The following EFHD1 variants were observed in gnomAD, a reference collection of about 807,000 sequenced individuals.
EFHD1 encodes the protein EF-hand domain-containing protein D1.
Under a neutral mutation model 17.2 loss-of-function variants are expected in EFHD1, and 10 were observed. The ratio of observed to expected loss-of-function variants is 0.58; its 90% CI spans 0.36 to 0.99. The LOEUF (loss-of-function observed/expected upper bound fraction) is 0.99, where lower values mean the gene tolerates loss of function less well. Ranked by LOEUF, EFHD1 falls within the 50% of genes least tolerant of loss-of-function variation. The probability of loss-of-function intolerance (pLI) is 0.01; values close to 1 mark genes in which losing one functional copy is unlikely to be tolerated. For synonymous variants in EFHD1, 153 were observed against 142.0 expected (o/e 1.08, Z -0.55); for missense variants, 310 against 327.5 (o/e 0.95, Z 0.41).
intron 1 of EFHD1, among the ~76,000 whole-genome samples, chr2:232,613,275 T>C (rs1693841891): frequency 2.0e-5 from 3 of 151,314 alleles, no homozygotes; most frequent in African/African-American, 4.9e-5. Flanking sequence ...AATACGAAAA[T>C]GAGCTGGTCA....
In EFHD1 at chr2:232,657,782, A is replaced by G. The variant is rs569703425; in HGVS notation, c.303-5020A>G. Among the ~76,000 whole-genome samples, 5 of 147,000 alleles carry G rather than the reference A, an allele frequency of 3.4e-5. No individual in the cohort carries two copies. In the South Asian group the frequency reaches 1.1e-3, roughly 32 times the overall value. On this transcript the variant is annotated intron_variant, in intron 1 of 3. Transcript: ENST00000264059. ...AGCTGAGATCGCACCACTGCACTCCAGCCTGGGCAACAAGAATGAAACTCC... is the reference window on the plus strand; with the variant it reads ...AGCTGAGATCGCACCACTGCACTCCGGCCTGGGCAACAAGAATGAAACTCC...
intron 2 of EFHD1, among the ~76,000 whole-genome samples, chr2:232,670,193 C>T (rs1695041864): frequency 6.6e-6 from 1 of 152,136 alleles, no homozygotes; most frequent in Non-Finnish European, 1.5e-5. Flanking sequence ...CATGGTGGCT[C>T]ATGCCTGCAA....
chr2:232,640,033 G>A (rs1694399978), intron 1 of EFHD1, among the ~76,000 whole-genome samples: 1 of 152,140 alleles, frequency 6.6e-6, no homozygotes, highest in African/African-American at 2.4e-5. Context: ...TCCTGCTTCT[G>A]TGTCCCCTGA....
chr2:232,675,581 G>A (rs1695157596), intron 3 of EFHD1, among the ~76,000 whole-genome samples: 1 of 152,202 alleles, frequency 6.6e-6, no homozygotes, highest in Non-Finnish European at 1.5e-5. Flanking sequence ...GCTGTGACAT[G>A]ATTCCGATGC....
chr2:232,654,326 T>TG (rs971312507), intron 1 of EFHD1, among the ~76,000 whole-genome samples: 2 of 151,800 alleles, frequency 1.3e-5, no homozygotes, highest in African/African-American at 4.8e-5. Context: ...TTGCAGGCTT[T>TG]GGGGCCTGAA....
chr2:232,619,391 A>G (rs34384799), intron 1 of EFHD1, among the ~76,000 whole-genome samples: 7,412 of 149,654 alleles, frequency 0.05, 218 homozygotes, highest in Non-Finnish European at 0.063. Context: ...GCTCACTGCA[A>G]CCTCTGCCTC....
Position 232,633,829 on chromosome 2 carries a change from C to A in EFHD1, c.125C>A (p.Pro42His). The A allele has an allele frequency of 6.7e-7, 1 of 1,481,626 alleles. No individual in the cohort carries two copies. The highest frequency in any genetic ancestry group is 8.9e-7 in the Non-Finnish European group (1 of 1,125,248). 91.8% of individuals were successfully genotyped at this position (1,481,626 alleles called of 1,614,324 possible). A position where few individuals can be genotyped will look rare whatever the true frequency, so the allele number is the denominator to read the frequency against. ...CCGGAGCCCAAGCCCGAGCCCGAGC[C>A]TCCCGCCCGTGCGCCCACGGCCAGC... is the stretch of plus-strand genomic sequence containing the variant. ...PAPEPKPEPEPPARAPTASAD... is the reference protein window; with the variant it reads ...PAPEPKPEPEHPARAPTASAD... Residue 42 changes from proline (P) to histidine (H), a missense_variant, in exon 1 of 4, where the codon CCT becomes CAT. By Grantham distance (77) the Pro-to-His change is moderately conservative (BLOSUM62 -2). Transcript: ENST00000264059.
chr2:232,644,824 T>C (rs1178173129), intron 1 of EFHD1, among the ~76,000 whole-genome samples: 15 of 146,970 alleles, frequency 1.0e-4, no homozygotes, highest in African/African-American at 3.8e-4. Flanking sequence ...TAATTTTTAG[T>C]GGAGACGGGG....
At chr2:232,667,950 C>T (rs533139691) in intron 2 of EFHD1, among the ~76,000 whole-genome samples, 2 of 152,322 alleles carry the variant, frequency 1.3e-5, no homozygotes, top group South Asian at 2.1e-4. Context: ...TAACTAATAC[C>T]GTGGGAGTGT....
intron 2 of EFHD1, 119 bp from the exon 3 acceptor site, chr2:232,672,190 A>G: frequency 7.3e-7 from 1 of 1,369,626 alleles, no homozygotes; most frequent in Admixed American, 1.8e-5. Context: ...AATTTGCCAC[A>G]TGCATACATA....
At chr2:232,620,958 T>A (rs1218714173) in intron 1 of EFHD1, among the ~76,000 whole-genome samples, 1 of 151,342 alleles carries the variant, frequency 6.6e-6, no homozygotes, top group African/African-American at 2.4e-5. Context: ...GGTGAGGGAG[T>A]GTCGGGGTTC....
Position 232,633,904 on chromosome 2 carries a change from A to T in EFHD1, c.200A>T (p.Glu67Val). The change falls in exon 1 of 4, where the codon GAG becomes GTG. Residue 67 changes from glutamate to valine, a missense_variant. By Grantham distance (121) the Glu-to-Val change is moderately radical. Coordinates refer to ENST00000264059, the MANE Select transcript of EFHD1 (RefSeq NM_025202.4). ...CTGAGCCGGCGGCTGGACATCAACG[A>T]GGGCGCTGCGCGGCCCCGGCGCTGC... ...AQLSRRLDINEGAARPRRCRV... is the reference protein window; with the variant it reads ...AQLSRRLDINVGAARPRRCRV... 1.3e-6 allele frequency: 2 copies of T among 1,577,336 alleles called. No individual in the cohort carries two copies. The highest frequency in any genetic ancestry group is 1.7e-6 in the Non-Finnish European group (2 of 1,171,276).
intron 1 of EFHD1, among the ~76,000 whole-genome samples, chr2:232,635,667 G>T (rs1390010899): frequency 1.3e-5 from 2 of 152,068 alleles, no homozygotes; most frequent in East Asian, 3.9e-4. Flanking sequence ...AAAAATCCAA[G>T]AATTAGCCGG....
chr2:232,633,791 C>G lies in EFHD1; in HGVS notation c.87C>G (p.Leu29=). The G allele has an allele frequency of 6.9e-7, 1 of 1,456,130 alleles. No homozygotes were observed. The highest frequency in any genetic ancestry group is 1.3e-5 in the South Asian group (1 of 74,720). 90.2% of individuals were successfully genotyped at this position (1,456,130 alleles called of 1,614,324 possible). A position where few individuals can be genotyped will look rare whatever the true frequency, so the allele number is the denominator to read the frequency against. Residue 29 remains leucine (L), a synonymous_variant, in exon 1 of 4, where the codon CTC becomes CTG. Coordinates refer to ENST00000264059, the MANE Select transcript of EFHD1 (RefSeq NM_025202.4). ...AGAGTGGCCCCCAGCTGGCTCCCCT[C>G]GGCGCCCCAGCCCCGGAGCCCAAGC... ...AEESGPQLAP[L]GAPAPEPKPE...
chr2:232,616,533 A>G (rs1051148876), intron 1 of EFHD1, among the ~76,000 whole-genome samples: 9 of 152,106 alleles, frequency 5.9e-5, no homozygotes, highest in Non-Finnish European at 1.0e-4. Context: ...TCCTGACCTC[A>G]GGTGATCTAC....
At chr2:232,614,562 A>C (rs1307914130) in intron 1 of EFHD1, among the ~76,000 whole-genome samples, 2 of 152,142 alleles carry the variant, frequency 1.3e-5, no homozygotes, top group African/African-American at 2.4e-5. Flanking sequence ...GAACCCACCA[A>C]ATAAGTCTGC....
chr2:232,659,584 C>T (rs922058333), intron 1 of EFHD1, among the ~76,000 whole-genome samples: 2 of 152,170 alleles, frequency 1.3e-5, no homozygotes, highest in Admixed American at 6.5e-5. Flanking sequence ...GTCCACAGCA[C>T]TAGATTCCTA....
intron 1 of EFHD1, among the ~76,000 whole-genome samples, chr2:232,662,319 A>T (rs563517600): frequency 6.6e-6 from 1 of 152,234 alleles, no homozygotes; most frequent in South Asian, 2.1e-4. Context: ...CAACTTCCCT[A>T]GACCTGGGAC....
intron 3 of EFHD1, among the ~76,000 whole-genome samples, chr2:232,675,501 C>A (rs1248894218): frequency 2.0e-5 from 3 of 152,204 alleles, no homozygotes; most frequent in Non-Finnish European, 4.4e-5. Context: ...TGCACACCGG[C>A]TTCCCAGGCC....
Sources: allele counts gnomAD v4.1 joint callset (sites outside exome capture counted in the v4.1 genomes callset), GRCh38; gene constraint gnomAD v4.1.1; transcripts MANE v1.5; gene names NCBI Gene and HGNC (gene_info 2026-07-23, HGNC 2026-07-21).